Variants in RTN1 observed in about 807,000 individuals in gnomAD.
RTN1 encodes reticulon 1.
A neutral mutation model predicts 65.5 loss-of-function variants in RTN1; 25 were observed. The observed-to-expected ratio is 0.38, with a 90% confidence interval of 0.28 to 0.53. The LOEUF is 0.53. RTN1 is among the 20% of genes least tolerant of loss of function. The pLI is 0.79. For synonymous variants in RTN1, 471 were observed against 447.6 expected (o/e 1.05, Z -0.66); for missense variants, 983 against 1,025.4 (o/e 0.96, Z 0.57).
At chr14:59,760,101 T>C (rs984235945) in intron 1 of RTN1, among the ~76,000 whole-genome samples, 27 of 152,184 alleles carry the variant, frequency 1.8e-4, no homozygotes, top group African/African-American at 6.3e-4. Context: ...GAATCAAATA[T>C]CCATCAACAA....
chr14:59,618,353 C>T (rs756798991), intron 3 of RTN1, among the ~76,000 whole-genome samples: 1 of 152,118 alleles, frequency 6.6e-6, no homozygotes, highest in East Asian at 1.9e-4. Flanking sequence ...ATCAGCTGGC[C>T]CCACCTAGAT....
chr14:59,833,304 T>C (rs77081274), intron 1 of RTN1, among the ~76,000 whole-genome samples: 1,839 of 152,320 alleles, frequency 0.012, 33 homozygotes, highest in African/African-American at 0.041. Flanking sequence ...AACTCAGAGA[T>C]ATATGTCTGA....
intron 8 of RTN1, among the ~76,000 whole-genome samples, chr14:59,598,197 A>G (rs1881466625): frequency 6.6e-6 from 1 of 152,156 alleles, no homozygotes; most frequent in South Asian, 2.1e-4. Flanking sequence ...AGAGAGGGGA[A>G]CAGTCTCAGG....
At position 59,790,179 on chromosome 14, in the gene RTN1, A is replaced by G. The variant is rs1214524560; in HGVS notation, c.242-43698T>C. On this transcript the variant is annotated intron_variant, in intron 1 of 8. Coordinates refer to ENST00000267484, the MANE Select transcript of RTN1 (RefSeq NM_021136.3). This position sits in a 1 kb window ranked among gnomAD's most constrained non-coding sequence, Gnocchi z 4.1. ...TAACCAGTCCAAGTTCAAATAACAG[A>G]GTCTAGTCGTGTGTCTTGGGAGATT... 6.6e-6 allele frequency among the ~76,000 whole-genome samples: 1 copy of G among 151,932 alleles called. No homozygotes were observed. The highest frequency in any genetic ancestry group is 6.6e-5 in the Admixed American group (1 of 15,236).
intron 1 of RTN1, among the ~76,000 whole-genome samples, chr14:59,819,633 GGCGCT>G (rs1886901796): frequency 6.6e-6 from 1 of 152,058 alleles, no homozygotes; most frequent in East Asian, 1.9e-4. Flanking sequence ...GATGGGACCG[GGCGCT>G]GCGGAGCAGG....
intron 3 of RTN1, among the ~76,000 whole-genome samples, chr14:59,659,084 G>A (rs1024176441): frequency 8.6e-5 from 13 of 151,874 alleles, no homozygotes; most frequent in Admixed American, 2.0e-4. Context: ...ACTTCGTGAA[G>A]CATACACAAG....
At chr14:59,795,719 T>C (rs1442479254) in intron 1 of RTN1, among the ~76,000 whole-genome samples, 2 of 152,172 alleles carry the variant, frequency 1.3e-5, no homozygotes, top group Non-Finnish European at 2.9e-5. Flanking sequence ...AACCTTGACA[T>C]TGATATTTGG....
At chr14:59,699,496 A>G (rs961232883) in intron 3 of RTN1, among the ~76,000 whole-genome samples, 3 of 152,174 alleles carry the variant, frequency 2.0e-5, no homozygotes, top group Non-Finnish European at 4.4e-5. Context: ...AACAAATGGC[A>G]TAATAAAGAC....
intron 1 of RTN1, among the ~76,000 whole-genome samples, chr14:59,762,595 T>G (rs1885772072): frequency 6.6e-6 from 1 of 152,238 alleles, no homozygotes; most frequent in South Asian, 2.1e-4. Flanking sequence ...AAAGGAGACT[T>G]AACGGTTTGT....
At chr14:59,652,328 G>GGT (rs1883036063) in intron 3 of RTN1, among the ~76,000 whole-genome samples, 1 of 152,092 alleles carries the variant, frequency 6.6e-6, no homozygotes, top group African/African-American at 2.4e-5. Context: ...CTCATTACTA[G>GGT]GTATATACCC....
rs529335453 is a variant in RTN1 at position 59,763,207 on chromosome 14, C to T, written c.242-16726G>A. ...TTATACTGAGTGCACAGAAGATGTG[C>T]CCCAGAGGTACCCATACAAATCAAG... On this transcript the variant is annotated intron_variant, in intron 1 of 8. Transcript: ENST00000267484. Among the ~76,000 whole-genome samples the T allele has an allele frequency of 3.3e-5, 5 of 152,246 alleles. No homozygotes were observed. The South Asian group carries it at 8.3e-4, about 25-fold the overall frequency.
At chr14:59,840,541 A>C (rs1887292240) in intron 1 of RTN1, among the ~76,000 whole-genome samples, 1 of 152,310 alleles carries the variant, frequency 6.6e-6, no homozygotes, top group East Asian at 1.9e-4. Context: ...AGTAAATGCG[A>C]TGTGGTCTGA....
intron 1 of RTN1, among the ~76,000 whole-genome samples, chr14:59,850,019 TC>T: frequency 6.6e-6 from 1 of 152,252 alleles, no homozygotes; most frequent in Admixed American, 6.5e-5. Context: ...CGCCACCTCT[TC>T]CCAGCCCCAT....
chr14:59,658,809 A>G (rs1402796753), intron 3 of RTN1, among the ~76,000 whole-genome samples: 2 of 152,176 alleles, frequency 1.3e-5, no homozygotes, highest in Non-Finnish European at 2.9e-5. Flanking sequence ...AATTCCAAAA[A>G]CCAGAATGCC....
intron 1 of RTN1, among the ~76,000 whole-genome samples, chr14:59,749,140 ATCTATCT>A (rs1885301375): frequency 9.1e-6 from 1 of 109,688 alleles, no homozygotes; most frequent in Non-Finnish European, 1.7e-5. Context: ...ATCTATATCT[ATCTATCT>A]ATCTATCTAT....
intron 1 of RTN1, among the ~76,000 whole-genome samples, chr14:59,863,500 G>A (rs143873990): frequency 6.6e-6 from 1 of 152,170 alleles, no homozygotes; most frequent in East Asian, 1.9e-4. Flanking sequence ...TTTTCTTCTG[G>A]AGTCTCTTTC....
intron 1 of RTN1, among the ~76,000 whole-genome samples, chr14:59,823,812 T>C (rs1185957585): frequency 6.6e-6 from 1 of 152,206 alleles, no homozygotes; most frequent in Non-Finnish European, 1.5e-5. Flanking sequence ...TCAACCTCTC[T>C]AGCAAGGTTG....
rs577317823 is a variant in RTN1, at chr14:59,658,319, G to A, written c.1766-50827C>T. 2.9e-3 allele frequency among the ~76,000 whole-genome samples: 449 copies of A among 152,312 alleles called. 1 individual carries two copies. The highest frequency in any genetic ancestry group is 0.011 in the African/African-American group (440 of 41,556). ...CCTGGGAGAAGGGGTGGCTGTGGGA[G>A]CAGCTTCAGCAGACTTAAATGTTCC... On this transcript the variant is annotated intron_variant, in intron 3 of 8. Coordinates refer to ENST00000267484, the MANE Select transcript of RTN1 (RefSeq NM_021136.3).
rs746757494 is a variant in RTN1 at position 59,727,409 on chromosome 14, G to A, written c.1275C>T (p.Asp425=). Residue 425 remains aspartate, a synonymous_variant, in exon 3 of 9, where the codon GAC becomes GAT. Coordinates refer to ENST00000267484, the MANE Select transcript of RTN1 (RefSeq NM_021136.3). The surrounding 1 kb of genome is among the most constrained non-coding windows in gnomAD (Gnocchi z 4.2). The part of the protein sequence containing the change: ...LVSEDPMAAE[D]ALPSGYVSFG... The stretch of plus-strand genomic sequence containing the variant: ...AGCTCACATAGCCTGAGGGCAGCGC[G>A]TCCTCCGCGGCCATGGGGTCCTCGG... 3 of 1,548,110 alleles carry A rather than the reference G, an allele frequency of 1.9e-6. No individual in the cohort carries two copies. Among genetic ancestry groups the A allele is most frequent in the East Asian group, 4.9e-5 (2 of 41,198 alleles).
Sources: allele counts gnomAD v4.1 joint callset (sites outside exome capture counted in the v4.1 genomes callset), GRCh38; gene constraint gnomAD v4.1.1; non-coding constraint Gnocchi (gnomAD v3.1); transcripts MANE v1.5; gene names NCBI Gene and HGNC (gene_info 2026-07-23, HGNC 2026-07-21).